The following ANKFN1 variants were observed in gnomAD, a reference collection of about 807,000 sequenced individuals.
ANKFN1 encodes the protein ankyrin repeat and fibronectin type III domain containing 1.
Under a neutral mutation model 108.7 loss-of-function variants are expected in ANKFN1, and 74 were observed. That is an observed-to-expected ratio of 0.68 (90% CI 0.56 to 0.83). ANKFN1 has a LOEUF of 0.83. ANKFN1 is among the 40% of genes least tolerant of loss of function. ANKFN1 has a pLI of 0.00. For missense variants in ANKFN1, 1,505 were observed against 1,382.3 expected (o/e 1.09, Z -1.41); for synonymous variants, 547 against 516.2 (o/e 1.06, Z -0.81).
At chr17:56,169,669 T>A (rs1037319712) in intron 1 of ANKFN1, among the ~76,000 whole-genome samples, 1 of 152,062 alleles carries the variant, frequency 6.6e-6, no homozygotes, top group African/African-American at 2.4e-5. Flanking sequence ...AAAAGTAAGA[T>A]GGGCATTGAT....
At chr17:56,056,863 T>A (rs1904889550) in intron 4 of ANKFN1, among the ~76,000 whole-genome samples, 1 of 152,246 alleles carries the variant, frequency 6.6e-6, no homozygotes, top group Non-Finnish European at 1.5e-5. Flanking sequence ...GCTGCATTGT[T>A]TGACTTTGAC....
At chr17:56,500,426 T>C (rs917160706) in intron 20 of ANKFN1, among the ~76,000 whole-genome samples, 4 of 152,186 alleles carry the variant, frequency 2.6e-5, no homozygotes, top group African/African-American at 9.6e-5. Context: ...GTTTCTAGAG[T>C]GCATTTTTAT....
chr17:56,293,644 A>G (rs1567891460), intron 3 of ANKFN1, among the ~76,000 whole-genome samples: 1 of 152,144 alleles, frequency 6.6e-6, no homozygotes, highest in Non-Finnish European at 1.5e-5. Flanking sequence ...TCAGGTGATG[A>G]CCCACGAAGG....
At chr17:56,448,527 C>T (rs557712660) in intron 10 of ANKFN1, among the ~76,000 whole-genome samples, 1 of 152,284 alleles carries the variant, frequency 6.6e-6, no homozygotes, top group East Asian at 1.9e-4. Context: ...CTCACCAAAG[C>T]AGACATTCAT....
intron 1 of ANKFN1, among the ~76,000 whole-genome samples, chr17:56,195,096 T>C (rs1913387525): frequency 6.6e-6 from 1 of 152,176 alleles, no homozygotes; most frequent in Non-Finnish European, 1.5e-5. Flanking sequence ...CAATGAATAT[T>C]TGATCAACCT....
chr17:56,177,687 C>T (rs942279963), intron 1 of ANKFN1, among the ~76,000 whole-genome samples: 15 of 152,196 alleles, frequency 9.9e-5, no homozygotes, highest in African/African-American at 2.6e-4. Flanking sequence ...GGCTGAAGTA[C>T]GTGATGTCTG....
intron 15 of ANKFN1, among the ~76,000 whole-genome samples, chr17:56,470,871 C>A (rs2050294317): frequency 6.6e-6 from 1 of 152,154 alleles, no homozygotes; most frequent in African/African-American, 2.4e-5. Flanking sequence ...ACAAGAGTCC[C>A]TATGAGCAAA....
At chr17:56,377,138 A>G (rs892748426) in intron 8 of ANKFN1, among the ~76,000 whole-genome samples, 1 of 152,186 alleles carries the variant, frequency 6.6e-6, no homozygotes, top group African/African-American at 2.4e-5. Flanking sequence ...TATTCTCCAG[A>G]ATTTCTGGGT....
chr17:56,282,586 A>G (rs955626108), intron 3 of ANKFN1, among the ~76,000 whole-genome samples: 24 of 152,212 alleles, frequency 1.6e-4, no homozygotes, highest in African/African-American at 5.1e-4. Flanking sequence ...TGCAATAGTG[A>G]ACTAATGCTA....
At chr17:56,166,463 T>C (rs1910136929) in intron 1 of ANKFN1, among the ~76,000 whole-genome samples, 1 of 152,170 alleles carries the variant, frequency 6.6e-6, no homozygotes. Flanking sequence ...ATCAAAGCCC[T>C]TTACCTCCCT....
At position 56,510,940 on chromosome 17, in the gene ANKFN1, C is replaced by G. The variant is rs2051736962; in HGVS notation, c.3112C>G (p.Leu1038Val). Residue 1038 changes from leucine to valine, a missense_variant, in exon 21 of 21, where the codon CTG (leucine) becomes GTG (valine). Leu to Val is a conservative substitution (Grantham distance 32, BLOSUM62 1). Transcript: ENST00000682825. ...CTCTGAGGGCATTTATACACAGCAC[C>G]TGTCCCAGGCCTGTGGTCTGGCCCA... is the stretch of plus-strand genomic sequence containing the variant. ...SLSEGIYTQH[L>V]SQACGLAQEP... 1 of 1,536,182 alleles carries G rather than the reference C, an allele frequency of 6.5e-7. No homozygotes were observed. The highest frequency in any genetic ancestry group is 8.7e-7 in the Non-Finnish European group (1 of 1,146,914).
intron 3 of ANKFN1, among the ~76,000 whole-genome samples, chr17:56,232,604 T>C (rs559098096): frequency 6.6e-6 from 1 of 152,312 alleles, no homozygotes; most frequent in African/African-American, 2.4e-5. Context: ...CAGTTTGATC[T>C]GCCTCTTGGC....
chr17:56,084,752 AC>A (rs967216603), intron 4 of ANKFN1, among the ~76,000 whole-genome samples: 37 of 151,332 alleles, frequency 2.4e-4, no homozygotes, highest in African/African-American at 9.0e-4. Context: ...ACTATCTGAA[AC>A]TTCCTTTCCA....
chr17:56,345,551 T>C (rs1178729290), intron 4 of ANKFN1, among the ~76,000 whole-genome samples: 1 of 152,174 alleles, frequency 6.6e-6, no homozygotes, highest in Non-Finnish European at 1.5e-5. Flanking sequence ...CTCTCCAGCA[T>C]CTGTTGTTTC....
At chr17:56,266,751 A>C (rs1398061302) in intron 3 of ANKFN1, among the ~76,000 whole-genome samples, 1 of 152,198 alleles carries the variant, frequency 6.6e-6, no homozygotes, top group African/African-American at 2.4e-5. Context: ...TATCCCTTAT[A>C]TGAAGAACCA....
At chr17:56,245,702 A>C (rs892582389) in intron 3 of ANKFN1, 1 of 152,162 alleles carries the variant, frequency 6.6e-6, no homozygotes, top group African/African-American at 2.4e-5. Flanking sequence ...CATTAAAATG[A>C]AGAAGAAACA....
chr17:56,483,368 G>A (rs149089011), intron 18 of ANKFN1, among the ~76,000 whole-genome samples: 102 of 152,302 alleles, frequency 6.7e-4, no homozygotes, highest in African/African-American at 2.2e-3. Context: ...GTGGAATGGA[G>A]GCAGACCCTC....
rs994533774 is a variant in ANKFN1, at chr17:56,267,773, A to G, written c.53+39816A>G. Reference sequence around the variant, plus strand: ...TCTATGTGTCTGTTTTTGTACCAGTATCATGCTGTGTTGGTTATTGTAGGC... The same window carrying G: ...TCTATGTGTCTGTTTTTGTACCAGTGTCATGCTGTGTTGGTTATTGTAGGC... On this transcript the variant is annotated intron_variant, in intron 3 of 20. Coordinates refer to ENST00000682825, the MANE Select transcript of ANKFN1 (RefSeq NM_001370326.1). Among the ~76,000 whole-genome samples the G allele has an allele frequency of 2.0e-5, 3 of 152,274 alleles. 1 individual carries two copies. The highest frequency in any genetic ancestry group is 4.1e-4 in the South Asian group (2 of 4,826).
At chr17:56,368,297 T>TTTTTTTTTTTTTA (rs1598470005) in intron 6 of ANKFN1, 2 of 492,544 alleles carry the variant, frequency 4.1e-6, no homozygotes, top group Non-Finnish European at 5.7e-6. Context: ...TTTTTTTTTT[T>TTTTTTTTTTTTTA]GAGAAGGAGT....
Sources: gnomAD v4.1 joint callset for allele counts (sites outside exome capture counted in the v4.1 genomes callset) on GRCh38, gnomAD v4.1.1 for gene constraint, MANE v1.5 for transcripts, NCBI Gene and HGNC (gene_info 2026-07-23, HGNC 2026-07-21) for gene names.